Variants in POU6F2 observed in about 807,000 individuals in gnomAD.
POU6F2 encodes the protein POU domain, class 6, transcription factor 2.
POU6F2 carries 31 observed loss-of-function variants against 71.3 expected under a neutral mutation model. That is an observed-to-expected ratio of 0.43 (90% CI 0.33 to 0.59). The LOEUF is 0.59. Among genes scored for constraint, POU6F2 ranks in the 20% least tolerant of loss-of-function variants. The pLI, the probability that POU6F2 is intolerant of heterozygous loss-of-function variation, is 0.04. For missense variants in POU6F2, 783 were observed against 856.8 expected (o/e 0.91, Z 1.07); for synonymous variants, 347 against 355.7 (o/e 0.98, Z 0.27).
intron 4 of POU6F2, among the ~76,000 whole-genome samples, chr7:39,268,022 A>G (rs918833940): frequency 6.6e-6 from 1 of 152,178 alleles, no homozygotes; most frequent in East Asian, 1.9e-4. Flanking sequence ...CCCCACAGCA[A>G]TCCCACAGAC....
At chr7:39,450,620 G>T (rs1420144600) in intron 7 of POU6F2, among the ~76,000 whole-genome samples, 1 of 152,112 alleles carries the variant, frequency 6.6e-6, no homozygotes, top group Non-Finnish European at 1.5e-5. Flanking sequence ...GAGGAATCAT[G>T]AATAAATGGA....
At position 39,290,482 on chromosome 7, in the gene POU6F2, C is replaced by T. The variant is rs146986107; in HGVS notation, c.599-49160C>T. Among the ~76,000 whole-genome samples the T allele has an allele frequency of 3.1e-3, 471 of 152,342 alleles. 4 individuals are homozygous for T. The highest frequency in any genetic ancestry group is 0.011 in the African/African-American group (460 of 41,582). On this transcript the variant is annotated intron_variant, in intron 4 of 9. Transcript: ENST00000518318. ...AGGCTATATTCCTTTTAATCAAGTT[C>T]TTCAAGCTGAACCTGGTGAATGGCT...
At chr7:39,270,932 T>G (rs1381710169) in intron 4 of POU6F2, among the ~76,000 whole-genome samples, 1 of 152,126 alleles carries the variant, frequency 6.6e-6, no homozygotes, top group South Asian at 2.1e-4. Flanking sequence ...CAAGACCCCT[T>G]CCGCCTTGAG....
intron 4 of POU6F2, among the ~76,000 whole-genome samples, chr7:39,273,399 T>C (rs2128757432): frequency 6.6e-6 from 1 of 152,370 alleles, no homozygotes; most frequent in Admixed American, 6.5e-5. Flanking sequence ...GCAGTTTGCC[T>C]CTGTGGTGTT....
chr7:39,225,313 C>G (rs549830659), intron 4 of POU6F2, among the ~76,000 whole-genome samples: 1 of 152,040 alleles, frequency 6.6e-6, no homozygotes, highest in Non-Finnish European at 1.5e-5. Flanking sequence ...AGCTAAAGCT[C>G]GAAAAGAGGG....
intron 5 of POU6F2, among the ~76,000 whole-genome samples, chr7:39,388,532 T>G (rs1786995594): frequency 6.6e-6 from 1 of 152,248 alleles, no homozygotes; most frequent in East Asian, 1.9e-4. Flanking sequence ...GCCAGGCTGG[T>G]CTCGAACTCC....
chr7:39,343,021 A>G (rs556359082), intron 5 of POU6F2, among the ~76,000 whole-genome samples: 149 of 152,268 alleles, frequency 9.8e-4, no homozygotes, highest in African/African-American at 3.4e-3. Context: ...GCCCCTGGAG[A>G]TCTGTCTATA....
intron 4 of POU6F2, among the ~76,000 whole-genome samples, chr7:39,286,540 A>G (rs1382010760): frequency 6.6e-6 from 1 of 152,160 alleles, no homozygotes; most frequent in Non-Finnish European, 1.5e-5. Context: ...TCTCAAATAC[A>G]GTTTTCTGGC....
At chr7:39,406,494 A>G (rs1011553909) in intron 5 of POU6F2, 106 bp from the exon 6 acceptor site, 2 of 1,374,910 alleles carry the variant, frequency 1.5e-6, no homozygotes, top group African/African-American at 1.5e-5. Flanking sequence ...GGCCCTTTGC[A>G]TGAGCGAATT....
intron 1 of POU6F2, among the ~76,000 whole-genome samples, chr7:39,007,682 C>T (rs1012231460): frequency 4.6e-5 from 7 of 152,122 alleles, no homozygotes; most frequent in Non-Finnish European, 1.0e-4. Context: ...CCCACTCCCC[C>T]AACCCCACCA....
intron 1 of POU6F2, among the ~76,000 whole-genome samples, chr7:39,027,455 G>GC (rs1316409200): frequency 6.6e-6 from 1 of 152,176 alleles, no homozygotes; most frequent in Non-Finnish European, 1.5e-5. Context: ...CTGTGTCCAA[G>GC]CATTAGGAGC....
intron 4 of POU6F2, among the ~76,000 whole-genome samples, chr7:39,214,962 T>G (rs1794211393): frequency 6.6e-6 from 1 of 152,202 alleles, no homozygotes; most frequent in African/African-American, 2.4e-5. Context: ...AACAATGCAG[T>G]TATGCTATAA....
chr7:39,363,532 G>A lies in POU6F2; in HGVS notation c.972+23517G>A, dbSNP rs1418233386. ...CATCAGTGTACTGCTGGTATGTAAA[G>A]CCAGAGGCCTGGATAAGATTACTTT... On this transcript the variant is annotated intron_variant, in intron 5 of 9. Coordinates refer to ENST00000518318, the MANE Select transcript of POU6F2 (RefSeq NM_001370959.1). Among the ~76,000 whole-genome samples the A allele has an allele frequency of 4.0e-5, 6 of 151,528 alleles. No individual in the cohort carries two copies. In the East Asian group the frequency reaches 1.2e-3, roughly 29 times the overall value.
intron 2 of POU6F2, among the ~76,000 whole-genome samples, chr7:39,146,178 A>G (rs549934060): frequency 2.6e-4 from 39 of 152,346 alleles, no homozygotes; most frequent in African/African-American, 8.7e-4. Context: ...GAGGAGGCAT[A>G]TGATTAACTT....
intron 1 of POU6F2, among the ~76,000 whole-genome samples, chr7:38,998,422 T>G (rs1469525004): frequency 6.6e-6 from 1 of 152,158 alleles, no homozygotes; most frequent in Non-Finnish European, 1.5e-5. Flanking sequence ...GAAAGGAGTT[T>G]CCCAATGAGA....
intron 4 of POU6F2, among the ~76,000 whole-genome samples, chr7:39,266,296 T>C (rs887952174): frequency 1.3e-5 from 2 of 152,334 alleles, no homozygotes. Flanking sequence ...CACGTCTGCA[T>C]TGACCAGGAA....
intron 1 of POU6F2, among the ~76,000 whole-genome samples, chr7:39,025,510 A>G (rs993532743): frequency 3.9e-5 from 6 of 152,150 alleles, no homozygotes; most frequent in African/African-American, 1.2e-4. Context: ...AGGATTCCCT[A>G]TTTAATAAAT....
chr7:39,313,352 AC>A (rs1477368419), intron 4 of POU6F2, among the ~76,000 whole-genome samples: 1 of 150,688 alleles, frequency 6.6e-6, no homozygotes, highest in Non-Finnish European at 1.5e-5. Context: ...AAATTCCAAT[AC>A]CCCCAACACC....
At chr7:39,279,155 C>T (rs1784514964) in intron 4 of POU6F2, among the ~76,000 whole-genome samples, 1 of 152,178 alleles carries the variant, frequency 6.6e-6, no homozygotes. Context: ...TTCTTTGCCA[C>T]TCATCCTATA....
Sources: allele counts gnomAD v4.1 joint callset (sites outside exome capture counted in the v4.1 genomes callset), GRCh38; gene constraint gnomAD v4.1.1; transcripts MANE v1.5; gene names NCBI Gene and HGNC (gene_info 2026-07-23, HGNC 2026-07-21).